DMRT1: variants seen among roughly 807,000 people sequenced by gnomAD.
DMRT1 encodes the protein doublesex- and mab-3-related transcription factor 1.
In DMRT1, 7 loss-of-function variants were observed where a neutral mutation model predicts 32.3. The ratio of observed to expected loss-of-function variants is 0.22; its 90% CI spans 0.12 to 0.41. DMRT1 has a LOEUF of 0.41. Ranked by LOEUF, DMRT1 falls within the 10% of genes least tolerant of loss-of-function variation. The pLI, the probability that DMRT1 is intolerant of heterozygous loss-of-function variation, is 1.00. For synonymous variants in DMRT1, 278 were observed against 206.1 expected, an observed-to-expected ratio of 1.35 and a Z score of -2.99; for missense variants, 625 against 500.5, an observed-to-expected ratio of 1.25 and a Z score of -2.37.
At chr9:956,374 A>T (rs923140343) in intron 4 of DMRT1, among the ~76,000 whole-genome samples, 1 of 152,164 alleles carries the variant, frequency 6.6e-6, no homozygotes, top group African/African-American at 2.4e-5. Context: ...ATGTACTTCA[A>T]ATGCATGTAT....
intron 2 of DMRT1, among the ~76,000 whole-genome samples, chr9:848,509 C>T (rs996530039): frequency 1.3e-5 from 2 of 150,814 alleles, no homozygotes; most frequent in African/African-American, 4.9e-5. Context: ...ATTGGCTGCT[C>T]ATAGTATGTC....
At position 841,952 on chromosome 9, in the gene DMRT1, A is replaced by C. The variant is rs1334777369; in HGVS notation, c.114A>C (p.Leu38=). ...AGGFGKASGA[L]VGAASGSSAG... is the part of the protein sequence containing the mutation. Reference sequence around the variant, plus strand: ...GCTTTGGCAAAGCGTCTGGGGCGCTAGTGGGGGCGGCCAGCGGCTCGAGCG... The same window carrying C: ...GCTTTGGCAAAGCGTCTGGGGCGCTCGTGGGGGCGGCCAGCGGCTCGAGCG... The change falls in exon 1 of 5, where the codon CTA becomes CTC. Residue 38 remains leucine (L), a synonymous_variant. Transcript: ENST00000382276. 1 of 1,598,338 alleles carries C rather than the reference A, an allele frequency of 6.3e-7. No individual in the cohort carries two copies. The highest frequency in any genetic ancestry group is 1.7e-5 in the Admixed American group (1 of 58,414).
At chr9:874,264 T>A (rs1816399134) in intron 2 of DMRT1, among the ~76,000 whole-genome samples, 1 of 152,214 alleles carries the variant, frequency 6.6e-6, no homozygotes, top group South Asian at 2.1e-4. Context: ...TGGTGTAAGT[T>A]TTGATTCATG....
At chr9:951,487 T>G (rs1199006735) in intron 4 of DMRT1, among the ~76,000 whole-genome samples, 1 of 152,226 alleles carries the variant, frequency 6.6e-6, no homozygotes, top group Non-Finnish European at 1.5e-5. Flanking sequence ...GTATACTGAA[T>G]GGTACAGATG....
chr9:877,618 AAAG>A, intron 2 of DMRT1, among the ~76,000 whole-genome samples: 1 of 152,356 alleles, frequency 6.6e-6, no homozygotes, highest in South Asian at 2.1e-4. Flanking sequence ...CATTCCAAAA[AAAG>A]AAGCTAAATA....
chr9:892,284 G>T (rs1817182381), intron 2 of DMRT1, among the ~76,000 whole-genome samples: 1 of 152,100 alleles, frequency 6.6e-6, no homozygotes, highest in Non-Finnish European at 1.5e-5. Context: ...CCTTTATTCT[G>T]TAACAGCTCC....
At chr9:921,917 G>A (rs999488706) in intron 4 of DMRT1, among the ~76,000 whole-genome samples, 65 of 152,290 alleles carry the variant, frequency 4.3e-4, no homozygotes, top group African/African-American at 1.6e-3. Context: ...CTCCAGCTCT[G>A]TAGCACAGGC....
At chr9:920,876 CT>C (rs1271301549) in intron 4 of DMRT1, among the ~76,000 whole-genome samples, 1 of 152,036 alleles carries the variant, frequency 6.6e-6, no homozygotes, top group African/African-American at 2.4e-5. Context: ...TGCTTTGTTA[CT>C]TGTCTAAGAG....
At chr9:851,450 G>T (rs1839149452) in intron 2 of DMRT1, among the ~76,000 whole-genome samples, 1 of 152,088 alleles carries the variant, frequency 6.6e-6, no homozygotes, top group African/African-American at 2.4e-5. Flanking sequence ...TGTTGGTCAG[G>T]CTGGTCTCAA....
intron 4 of DMRT1, among the ~76,000 whole-genome samples, chr9:923,929 C>G (rs1036822717): frequency 3.9e-5 from 6 of 152,184 alleles, no homozygotes. Flanking sequence ...ATTTTGTTCT[C>G]AGCTTTAACT....
At chr9:946,784 T>C (rs565643452) in intron 4 of DMRT1, among the ~76,000 whole-genome samples, 1 of 152,290 alleles carries the variant, frequency 6.6e-6, no homozygotes, top group Non-Finnish European at 1.5e-5. Context: ...CTGAAAAATG[T>C]GCTGCCTCCT....
At chr9:867,365 G>C (rs191792394) in intron 2 of DMRT1, among the ~76,000 whole-genome samples, 1 of 152,190 alleles carries the variant, frequency 6.6e-6, no homozygotes, top group Non-Finnish European at 1.5e-5. Context: ...AGCCAGGAGA[G>C]CGGGCAGTGC....
intron 4 of DMRT1, among the ~76,000 whole-genome samples, chr9:958,927 C>T (rs1424987220): frequency 6.6e-5 from 10 of 152,274 alleles, no homozygotes; most frequent in South Asian, 6.2e-4. Flanking sequence ...TTAGCCTTAA[C>T]GAGATGCCCA....
intron 4 of DMRT1, among the ~76,000 whole-genome samples, chr9:956,994 T>C (rs559238360): frequency 6.6e-6 from 1 of 152,314 alleles, no homozygotes; most frequent in Admixed American, 6.5e-5. Flanking sequence ...TGTGCAGGTT[T>C]GTTACGTCAG....
rs1325681077 is a variant in DMRT1 at position 852,643 on chromosome 9, G to A, written c.538+5500G>A. Among the ~76,000 whole-genome samples the A allele has an allele frequency of 2.0e-5, 3 of 152,300 alleles. No homozygotes were observed. The East Asian group carries it at 5.8e-4, about 29-fold the overall frequency. On this transcript the variant is annotated intron_variant, in intron 2 of 4. Coordinates refer to ENST00000382276, the MANE Select transcript of DMRT1 (RefSeq NM_021951.3). ...CATTGTAGATAATTCAGTTCTGCATGTGTGTCCTTTGTAAGGACCTGAATG... is the reference window on the plus strand; with the variant it reads ...CATTGTAGATAATTCAGTTCTGCATATGTGTCCTTTGTAAGGACCTGAATG...
chr9:878,893 C>G (rs1344279995), intron 2 of DMRT1, among the ~76,000 whole-genome samples: 1 of 152,056 alleles, frequency 6.6e-6, no homozygotes, highest in African/African-American at 2.4e-5. Flanking sequence ...ATAACTTGCC[C>G]CATGATTGCA....
intron 2 of DMRT1, among the ~76,000 whole-genome samples, chr9:873,403 T>A (rs1417321869): frequency 2.0e-5 from 3 of 152,048 alleles, no homozygotes; most frequent in African/African-American, 7.2e-5. Context: ...CCTCCCGGGT[T>A]CAAGTGATTC....
intron 3 of DMRT1, among the ~76,000 whole-genome samples, chr9:913,964 C>A (rs939446873): frequency 6.6e-6 from 1 of 152,082 alleles, no homozygotes; most frequent in Non-Finnish European, 1.5e-5. Context: ...GGAAGGATCA[C>A]GTATTCTAGT....
At chr9:870,406 C>CT (rs1554747350) in intron 2 of DMRT1, among the ~76,000 whole-genome samples, 471 of 95,996 alleles carry the variant, frequency 4.9e-3, no homozygotes, top group Non-Finnish European at 8.1e-3. Flanking sequence ...TCTCAAAAAA[C>CT]AACAACAATA....
Sources: gnomAD v4.1 joint callset for allele counts (sites outside exome capture counted in the v4.1 genomes callset) on GRCh38, gnomAD v4.1.1 for gene constraint, MANE v1.5 for transcripts, NCBI Gene and HGNC (gene_info 2026-07-23, HGNC 2026-07-21) for gene names.